The following DLG2 variants were observed in gnomAD, a reference collection of about 807,000 sequenced individuals.
DLG2 encodes the protein disks large homolog 2.
DLG2 carries 45 observed loss-of-function variants against 132.5 expected under a neutral mutation model. That is an observed-to-expected ratio of 0.34 (90% CI 0.27 to 0.44). The LOEUF (loss-of-function observed/expected upper bound fraction) is 0.44. Ranked by LOEUF, DLG2 falls within the 20% of genes least tolerant of loss-of-function variation. DLG2 has a pLI of 1.00. For missense variants in DLG2, 1,045 were observed against 1,196.9 expected, an observed-to-expected ratio of 0.87 and a Z score of 1.87; for synonymous variants, 424 against 419.6, an observed-to-expected ratio of 1.01 and a Z score of -0.13.
Position 85,618,171 on chromosome 11 carries a change from C to A in DLG2, c.-93+8416G>T, listed in dbSNP as rs750328326. 3.3e-5 allele frequency among the ~76,000 whole-genome samples: 5 copies of A among 152,036 alleles called. No individual in the cohort carries two copies. In the East Asian group the frequency reaches 5.8e-4, roughly 18 times the overall value. ...GATAAAACTCATGATCCTTTGCTGA[C>A]AAAGCAACCTACATTGAGGATATAG... On this transcript the variant is annotated intron_variant, in intron 2 of 27. Coordinates refer to ENST00000376104, the MANE Select transcript of DLG2 (RefSeq NM_001142699.3).
At chr11:85,514,279 T>C (rs1235554975) in intron 3 of DLG2, among the ~76,000 whole-genome samples, 1 of 152,050 alleles carries the variant, frequency 6.6e-6, no homozygotes, top group African/African-American at 2.4e-5. Flanking sequence ...GGTAGTTAAA[T>C]AATCTTCCAA....
intron 4 of DLG2, among the ~76,000 whole-genome samples, chr11:85,237,440 T>C (rs1430310334): frequency 2.0e-5 from 3 of 152,072 alleles, no homozygotes; most frequent in African/African-American, 7.2e-5. Context: ...TGAAAAAATA[T>C]ACACAGTTGA....
intron 10 of DLG2, among the ~76,000 whole-genome samples, chr11:84,094,497 T>C (rs2097140025): frequency 6.6e-6 from 1 of 152,222 alleles, no homozygotes; most frequent in Non-Finnish European, 1.5e-5. Flanking sequence ...ATATAATTTA[T>C]GTCTTAGTCT....
chr11:84,157,296 G>A (rs1487636773), intron 9 of DLG2, among the ~76,000 whole-genome samples: 2 of 152,080 alleles, frequency 1.3e-5, no homozygotes, highest in Admixed American at 1.3e-4. Flanking sequence ...ACCCAAGCAT[G>A]TGTGTATTTA....
intron 4 of DLG2, among the ~76,000 whole-genome samples, chr11:85,247,373 A>G (rs891100114): frequency 6.6e-6 from 1 of 152,008 alleles, no homozygotes; most frequent in East Asian, 1.9e-4. Flanking sequence ...GGATTCATTC[A>G]TAGACCATAG....
At chr11:84,523,661 A>G (rs992446413) in intron 7 of DLG2, among the ~76,000 whole-genome samples, 2 of 152,234 alleles carry the variant, frequency 1.3e-5, no homozygotes, top group African/African-American at 2.4e-5. Flanking sequence ...CACAGTAACA[A>G]TAAGTGCCTT....
At chr11:85,081,179 C>T (rs1295097170) in intron 6 of DLG2, among the ~76,000 whole-genome samples, 1 of 152,062 alleles carries the variant, frequency 6.6e-6, no homozygotes, top group Admixed American at 6.5e-5. Flanking sequence ...TTATGCGGAG[C>T]CCATTTATAT....
chr11:84,791,490 T>C (rs935909749), intron 6 of DLG2, among the ~76,000 whole-genome samples: 1 of 152,200 alleles, frequency 6.6e-6, no homozygotes, highest in Admixed American at 6.5e-5. Context: ...ATCATTGCTA[T>C]TTTGATAGGG....
intron 3 of DLG2, among the ~76,000 whole-genome samples, chr11:85,424,748 T>C (rs1289641861): frequency 6.6e-6 from 1 of 152,164 alleles, no homozygotes; most frequent in African/African-American, 2.4e-5. Flanking sequence ...ACTCTGATTT[T>C]TTTTAACTCT....
intron 3 of DLG2, among the ~76,000 whole-genome samples, chr11:85,346,849 G>A (rs1221349523): frequency 6.6e-6 from 1 of 152,042 alleles, no homozygotes; most frequent in Non-Finnish European, 1.5e-5. Context: ...GGTGGGAGGC[G>A]GGAAGTAGTC....
chr11:84,317,716 C>A (rs1054226927), intron 7 of DLG2, among the ~76,000 whole-genome samples: 1 of 152,106 alleles, frequency 6.6e-6, no homozygotes, highest in Non-Finnish European at 1.5e-5. Context: ...ATAAGAATCA[C>A]TTATCTAGAG....
intron 3 of DLG2, among the ~76,000 whole-genome samples, chr11:85,286,973 G>A (rs1466278132): frequency 1.3e-5 from 2 of 151,994 alleles, no homozygotes; most frequent in African/African-American, 4.8e-5. Flanking sequence ...GCCAAAGATG[G>A]CCAAAGCTGG....
chr11:85,427,212 A>G (rs2090823782), intron 3 of DLG2, among the ~76,000 whole-genome samples: 1 of 152,244 alleles, frequency 6.6e-6, no homozygotes, highest in Non-Finnish European at 1.5e-5. Context: ...ACAGGATATT[A>G]TCCAGGAGAA....
Position 84,517,763 on chromosome 11 carries a change from G to A in DLG2, c.519+16807C>T, listed in dbSNP as rs559255294. Among the ~76,000 whole-genome samples the A allele has an allele frequency of 2.6e-5, 4 of 152,032 alleles. 1 individual carries two copies. The South Asian group carries it at 8.3e-4, about 32-fold the overall frequency. On this transcript the variant is annotated intron_variant, in intron 7 of 27. Transcript: ENST00000376104. ...GGAATCAACCTAAATGTTCATCAATGGATGAACGGATAAAGAAAATGTGGT... is the reference window on the plus strand; with the variant it reads ...GGAATCAACCTAAATGTTCATCAATAGATGAACGGATAAAGAAAATGTGGT...
chr11:84,799,350 C>A (rs933008977), intron 6 of DLG2, among the ~76,000 whole-genome samples: 1 of 152,138 alleles, frequency 6.6e-6, no homozygotes. Flanking sequence ...TGCTCTTCCT[C>A]CCCCAAGTGC....
At chr11:83,595,776 C>T (rs925004439) in intron 19 of DLG2, among the ~76,000 whole-genome samples, 14 of 151,990 alleles carry the variant, frequency 9.2e-5, no homozygotes, top group Non-Finnish European at 1.3e-4. Context: ...TATAGAAGAA[C>T]GTAATGAACA....
At chr11:84,995,633 A>G (rs144623381) in intron 6 of DLG2, among the ~76,000 whole-genome samples, 15 of 152,310 alleles carry the variant, frequency 9.8e-5, no homozygotes, top group African/African-American at 3.4e-4. Flanking sequence ...ATGAATTTGA[A>G]TTTTTAATTC....
chr11:84,553,087 C>T (rs916033216), intron 6 of DLG2, among the ~76,000 whole-genome samples: 3 of 152,234 alleles, frequency 2.0e-5, no homozygotes, highest in South Asian at 2.1e-4. Context: ...TGAAATGATG[C>T]TTCCCAAATC....
intron 6 of DLG2, among the ~76,000 whole-genome samples, chr11:84,949,306 G>A (rs1250084768): frequency 6.6e-6 from 1 of 152,096 alleles, no homozygotes; most frequent in Non-Finnish European, 1.5e-5. Flanking sequence ...GGCAAGTGGA[G>A]GCAGGGCGAG....
Sources: gnomAD v4.1 joint callset for allele counts (sites outside exome capture counted in the v4.1 genomes callset) on GRCh38, gnomAD v4.1.1 for gene constraint, MANE v1.5 for transcripts, NCBI Gene and HGNC (gene_info 2026-07-23, HGNC 2026-07-21) for gene names.